The following PEX5L variants were observed in gnomAD, a reference collection of about 807,000 sequenced individuals.
The protein encoded by PEX5L is peroxisomal biogenesis factor 5 like.
A neutral mutation model predicts 84.0 loss-of-function variants in PEX5L; 30 were observed. The observed-to-expected ratio is 0.36, with a 90% confidence interval of 0.27 to 0.48. The LOEUF (loss-of-function observed/expected upper bound fraction) is 0.48, where lower values mean the gene tolerates loss of function less well. Ranked by LOEUF, PEX5L falls within the 20% of genes least tolerant of loss-of-function variation. The pLI, the probability that PEX5L is intolerant of heterozygous loss-of-function variation, is 0.99. For missense variants in PEX5L, 533 were observed against 754.6 expected (o/e 0.71, Z 3.44); for synonymous variants, 270 against 283.1 (o/e 0.95, Z 0.46).
chr3:179,805,475 AT>A (rs1417796186), intron 14 of PEX5L, among the ~76,000 whole-genome samples: 1 of 152,076 alleles, frequency 6.6e-6, no homozygotes, highest in Non-Finnish European at 1.5e-5. Context: ...ACTTTAAATC[AT>A]CTCCAGATTA....
At chr3:179,845,786 C>T (rs930374215) in intron 8 of PEX5L, among the ~76,000 whole-genome samples, 1 of 152,090 alleles carries the variant, frequency 6.6e-6, no homozygotes, top group African/African-American at 2.4e-5. Context: ...CCTATAAATC[C>T]CTGGTATGAG....
chr3:179,837,704 T>C (rs1735480624), intron 8 of PEX5L, among the ~76,000 whole-genome samples: 2 of 152,220 alleles, frequency 1.3e-5, no homozygotes, highest in South Asian at 4.1e-4. Flanking sequence ...GGATGCTAAA[T>C]AGTGGAATTG....
chr3:179,986,620 T>G (rs948862779), intron 1 of PEX5L, among the ~76,000 whole-genome samples: 1 of 152,114 alleles, frequency 6.6e-6, no homozygotes, highest in Non-Finnish European at 1.5e-5. Context: ...GCCAGGATAG[T>G]CTCTATCTCC....
intron 2 of PEX5L, among the ~76,000 whole-genome samples, chr3:179,954,215 GAA>G (rs71182526): frequency 0.15 from 21,656 of 139,860 alleles, 1,921 homozygotes; most frequent in Non-Finnish European, 0.2. Context: ...GGGGGGGGGG[GAA>G]AAAGTCAGCC....
intron 14 of PEX5L, among the ~76,000 whole-genome samples, chr3:179,805,993 T>A (rs1423062714): frequency 4.7e-5 from 7 of 150,226 alleles, no homozygotes; most frequent in South Asian, 4.2e-4. Flanking sequence ...TGAAAAAAAA[T>A]ATATAAAATA....
Position 179,800,844 on chromosome 3 carries a change from A to C in PEX5L, c.*984T>G, listed in dbSNP as rs1718653184. ...TTGGTGTGCAGGGCAAAGCCAGTAAAGTATGACACTTAAGCAAGTTAATTT... is the reference window on the plus strand; with the variant it reads ...TTGGTGTGCAGGGCAAAGCCAGTAACGTATGACACTTAAGCAAGTTAATTT... On this transcript the variant is annotated 3_prime_UTR_variant, in exon 15 of 15. Transcript: ENST00000467460. 6.6e-6 allele frequency: 1 copy of C among 152,240 alleles called. No individual in the cohort carries two copies. Among genetic ancestry groups the C allele is most frequent in the Non-Finnish European group, 1.5e-5 (1 of 68,030 alleles). 9.4% of individuals were successfully genotyped at this position (152,240 alleles called of 1,614,324 possible).
intron 1 of PEX5L, among the ~76,000 whole-genome samples, chr3:179,985,774 G>C (rs1453956769): frequency 6.6e-6 from 1 of 152,028 alleles, no homozygotes. Context: ...GATGGATCTT[G>C]ATTAATACCT....
intron 1 of PEX5L, among the ~76,000 whole-genome samples, chr3:180,031,200 C>G (rs1260790133): frequency 2.6e-5 from 4 of 152,104 alleles, no homozygotes. Flanking sequence ...GAGCAATTGT[C>G]TTGATAGTTA....
intron 1 of PEX5L, among the ~76,000 whole-genome samples, chr3:179,990,731 A>G (rs1787305694): frequency 6.6e-6 from 1 of 152,146 alleles, no homozygotes; most frequent in Non-Finnish European, 1.5e-5. Context: ...GTTGGTTGTT[A>G]GTACCAATAA....
chr3:180,009,319 T>C (rs1789209559), intron 1 of PEX5L, among the ~76,000 whole-genome samples: 1 of 152,210 alleles, frequency 6.6e-6, no homozygotes, highest in South Asian at 2.1e-4. Context: ...CACGTCCTCA[T>C]AAGGCACAAT....
chr3:179,818,989 G>A (rs1025292501), intron 9 of PEX5L, among the ~76,000 whole-genome samples: 5 of 150,024 alleles, frequency 3.3e-5, no homozygotes, highest in African/African-American at 7.4e-5. Flanking sequence ...GACTACAGGC[G>A]TAGTCCCCTA....
chr3:179,863,132 T>G (rs1746820223), intron 7 of PEX5L, among the ~76,000 whole-genome samples: 1 of 152,170 alleles, frequency 6.6e-6, no homozygotes, highest in South Asian at 2.1e-4. Flanking sequence ...ACTGGATATC[T>G]ACATGCAAAA....
chr3:180,021,645 C>A (rs534036421), intron 1 of PEX5L, among the ~76,000 whole-genome samples: 1 of 152,210 alleles, frequency 6.6e-6, no homozygotes, highest in South Asian at 2.1e-4. Context: ...ATTACACAAT[C>A]CAGAAAAATA....
Position 180,036,724 on chromosome 3 carries a change from C to T in PEX5L, c.-125G>A. 4 of 1,038,496 alleles carry T rather than the reference C, an allele frequency of 3.9e-6. No homozygotes were observed. Among genetic ancestry groups the T allele is most frequent in the Non-Finnish European group, 6.0e-6 (4 of 663,816 alleles). The allele number at this position is 1,038,496 out of a possible 1,614,324, so 64.3% of individuals were successfully genotyped here. On this transcript the variant is annotated 5_prime_UTR_variant, in exon 1 of 15. Transcript: ENST00000467460. ...TTCTCAGAGGGTGCTCCTGAGCCCCCTGGAGCTCCGGGTACTCGGCCGGCC... is the reference window on the plus strand; with the variant it reads ...TTCTCAGAGGGTGCTCCTGAGCCCCTTGGAGCTCCGGGTACTCGGCCGGCC...
rs1035199495 is a variant in PEX5L, at chr3:179,801,811, C to T, written c.*17G>A. On this transcript the variant is annotated 3_prime_UTR_variant, in exon 15 of 15. Transcript: ENST00000467460. ...TCACACAGATCAGGGATTATTAGTA[C>T]TGGTATTATTCTTTCTTCAAGGATC... 5 of 1,435,188 alleles carry T rather than the reference C, an allele frequency of 3.5e-6. No homozygotes were observed. The highest frequency in any genetic ancestry group is 4.9e-6 in the Non-Finnish European group (5 of 1,016,548). The allele number at this position is 1,435,188 out of a possible 1,614,324, so 88.9% of individuals were successfully genotyped here.
At chr3:179,990,156 T>C (rs2110366590) in intron 1 of PEX5L, among the ~76,000 whole-genome samples, 1 of 152,310 alleles carries the variant, frequency 6.6e-6, no homozygotes, top group East Asian at 1.9e-4. Flanking sequence ...TCCTCATATG[T>C]AAGGTGAATG....
At chr3:179,990,535 A>C (rs1561029628) in intron 1 of PEX5L, among the ~76,000 whole-genome samples, 1 of 152,098 alleles carries the variant, frequency 6.6e-6, no homozygotes, top group Non-Finnish European at 1.5e-5. Flanking sequence ...ACTAGCTGAG[A>C]CTACAAGTGC....
intron 2 of PEX5L, among the ~76,000 whole-genome samples, chr3:179,907,174 A>G (rs904157815): frequency 2.0e-5 from 3 of 151,994 alleles, no homozygotes; most frequent in Non-Finnish European, 4.4e-5. Context: ...TATTTCCCCA[A>G]TTTCTTGCCT....
chr3:179,908,485 ATACTTT>A (rs1356920482), intron 2 of PEX5L, among the ~76,000 whole-genome samples: 1 of 152,090 alleles, frequency 6.6e-6, no homozygotes, highest in African/African-American at 2.4e-5. Flanking sequence ...TATTATTGTT[ATACTTT>A]AAGTTTTAGG....
Sources: gnomAD v4.1 joint callset for allele counts (sites outside exome capture counted in the v4.1 genomes callset) on GRCh38, gnomAD v4.1.1 for gene constraint, MANE v1.5 for transcripts, NCBI Gene and HGNC (gene_info 2026-07-23, HGNC 2026-07-21) for gene names.